Variants in RALYL observed in about 807,000 individuals in gnomAD.
RALYL encodes RNA-binding Raly-like protein.
Under a neutral mutation model 35.1 loss-of-function variants are expected in RALYL, and 29 were observed. The ratio of observed to expected loss-of-function variants is 0.83; its 90% CI spans 0.61 to 1.13. The LOEUF is 1.13. Ranked by LOEUF, RALYL falls within the 50% of genes most tolerant of loss-of-function variation. The pLI is 0.00. For missense variants in RALYL, 359 were observed against 360.4 expected (o/e 1.00, Z 0.03); for synonymous variants, 120 against 127.6 (o/e 0.94, Z 0.40).
chr8:84,678,321 T>C (rs1338598707), intron 2 of RALYL, among the ~76,000 whole-genome samples: 1 of 152,148 alleles, frequency 6.6e-6, no homozygotes, highest in East Asian at 1.9e-4. Context: ...TGGAGTGCAG[T>C]GGCGATATCT....
chr8:84,747,730 A>C (rs1225246931), intron 2 of RALYL, among the ~76,000 whole-genome samples: 2 of 151,954 alleles, frequency 1.3e-5, no homozygotes, highest in Non-Finnish European at 2.9e-5. Context: ...TTAATTTATT[A>C]TCTCTCTAAT....
chr8:84,401,592 A>G (rs1317204799), intron 1 of RALYL, among the ~76,000 whole-genome samples: 1 of 137,560 alleles, frequency 7.3e-6, no homozygotes, highest in Non-Finnish European at 1.5e-5. Context: ...GAGCCCAGAT[A>G]GCGCCACTGC....
At chr8:84,530,259 T>C (rs149043853) in intron 2 of RALYL, among the ~76,000 whole-genome samples, 1 of 152,164 alleles carries the variant, frequency 6.6e-6, no homozygotes, top group South Asian at 2.1e-4. Context: ...GATGTTTTTC[T>C]ACCTTAGGAA....
chr8:84,827,058 A>G (rs1010522481), intron 4 of RALYL, among the ~76,000 whole-genome samples: 1 of 152,146 alleles, frequency 6.6e-6, no homozygotes, highest in African/African-American at 2.4e-5. Context: ...AACAAGAAAA[A>G]TCTTCTTAGA....
intron 4 of RALYL, among the ~76,000 whole-genome samples, chr8:84,835,915 A>G (rs761357914): frequency 2.0e-5 from 3 of 152,094 alleles, no homozygotes; most frequent in African/African-American, 4.8e-5. Flanking sequence ...TGACGGATTA[A>G]AAGAGTAATT....
Position 84,850,018 on chromosome 8 carries a change from T to A in RALYL, c.404T>A (p.Phe135Tyr). ...VFDYDYYRDD[F>Y]YNRLFDYHGR... The stretch of plus-strand genomic sequence containing the variant: ...GACTATGATTACTACAGAGATGATT[T>A]CTACAATCGGTATGTGAATTTTTCA... Residue 135 changes from phenylalanine to tyrosine, a missense_variant, in exon 5 of 9, where the codon TTC (phenylalanine) becomes TAC (tyrosine). Coordinates refer to ENST00000521268, the MANE Select transcript of RALYL (RefSeq NM_173848.7). 6.8e-7 allele frequency: 1 copy of A among 1,480,530 alleles called. No homozygotes were observed. The allele number at this position is 1,480,530 out of a possible 1,614,324, so 91.7% of individuals were successfully genotyped here.
chr8:84,533,640 G>A (rs2059412596), intron 2 of RALYL, among the ~76,000 whole-genome samples: 1 of 152,126 alleles, frequency 6.6e-6, no homozygotes, highest in African/African-American at 2.4e-5. Context: ...CCCATATGCA[G>A]GCCCCTGTCC....
intron 2 of RALYL, among the ~76,000 whole-genome samples, chr8:84,596,861 T>A (rs1256442798): frequency 1.3e-5 from 2 of 152,136 alleles, no homozygotes; most frequent in African/African-American, 2.4e-5. Context: ...ATCCTGGGAC[T>A]TGATTTGTAT....
At chr8:84,221,271 A>T (rs1399363512) in intron 1 of RALYL, among the ~76,000 whole-genome samples, 1 of 143,720 alleles carries the variant, frequency 7.0e-6, no homozygotes. Context: ...TAATCTTATA[A>T]GAAAATGGAA....
At chr8:84,504,801 T>TA (rs1311413036) in intron 1 of RALYL, among the ~76,000 whole-genome samples, 12 of 152,156 alleles carry the variant, frequency 7.9e-5, no homozygotes, top group Non-Finnish European at 1.5e-4. Context: ...AAAGCTATAT[T>TA]AAATTTCAAA....
At chr8:84,289,023 T>C (rs1838234110) in intron 1 of RALYL, among the ~76,000 whole-genome samples, 1 of 152,134 alleles carries the variant, frequency 6.6e-6, no homozygotes, top group Non-Finnish European at 1.5e-5. Flanking sequence ...TTTTAAGCGC[T>C]GGGGTGAGCT....
intron 2 of RALYL, among the ~76,000 whole-genome samples, chr8:84,564,803 G>A (rs1286373713): frequency 1.3e-5 from 2 of 151,364 alleles, no homozygotes; most frequent in African/African-American, 2.4e-5. Context: ...ACCTTACTTA[G>A]CAATAATTTT....
intron 2 of RALYL, among the ~76,000 whole-genome samples, chr8:84,562,912 T>G (rs1564150913): frequency 6.6e-6 from 1 of 152,082 alleles, no homozygotes; most frequent in African/African-American, 2.4e-5. Flanking sequence ...ATGTGCATTA[T>G]AGAAGCCTGT....
In RALYL at chr8:84,467,715, G is replaced by A. The variant is rs1303005436; in HGVS notation, c.-23-61584G>A. 8.8e-3 allele frequency among the ~76,000 whole-genome samples: 1,338 copies of A among 151,244 alleles called. 20 individuals carry two copies. Among genetic ancestry groups the A allele is most frequent in the African/African-American group, 0.029 (1,200 of 41,104 alleles). On this transcript the variant is annotated intron_variant, in intron 1 of 8. Coordinates refer to ENST00000521268, the MANE Select transcript of RALYL (RefSeq NM_173848.7). ...GGTATCCTTGTTGACTTTCTGTCTC[G>A]TTGATCTGTCTAATGTTGACAGTGG...
chr8:84,848,433 G>A (rs987322811), intron 4 of RALYL, among the ~76,000 whole-genome samples: 2 of 130,882 alleles, frequency 1.5e-5, no homozygotes, highest in Non-Finnish European at 3.6e-5. Flanking sequence ...ATATGTGTGT[G>A]TGTGTATATA....
At chr8:84,604,299 A>G (rs1248301997) in intron 2 of RALYL, among the ~76,000 whole-genome samples, 1 of 152,150 alleles carries the variant, frequency 6.6e-6, no homozygotes, top group Non-Finnish European at 1.5e-5. Flanking sequence ...TTGTTAGTCT[A>G]TACAAGAAAG....
At chr8:84,831,471 C>T (rs1563699255) in intron 4 of RALYL, among the ~76,000 whole-genome samples, 1 of 152,076 alleles carries the variant, frequency 6.6e-6, no homozygotes, top group Non-Finnish European at 1.5e-5. Flanking sequence ...GAAGGGTAGT[C>T]ACTCACCTGG....
intron 2 of RALYL, among the ~76,000 whole-genome samples, chr8:84,676,027 G>A (rs1834123810): frequency 6.6e-6 from 1 of 152,196 alleles, no homozygotes; most frequent in East Asian, 1.9e-4. Context: ...TCATGTGTAT[G>A]TCAAATCATT....
chr8:84,508,113 AC>A, intron 1 of RALYL, among the ~76,000 whole-genome samples: 1 of 152,324 alleles, frequency 6.6e-6, no homozygotes, highest in African/African-American at 2.4e-5. Flanking sequence ...TAAAGGTCTT[AC>A]AGTATTTCAA....
Sources: gnomAD v4.1 joint callset for allele counts (sites outside exome capture counted in the v4.1 genomes callset) on GRCh38, gnomAD v4.1.1 for gene constraint, MANE v1.5 for transcripts, NCBI Gene and HGNC (gene_info 2026-07-23, HGNC 2026-07-21) for gene names.